The following DENND1B variants were observed in gnomAD, a reference collection of about 807,000 sequenced individuals.
DENND1B encodes the protein DENN domain-containing protein 1B.
DENND1B carries 59 observed loss-of-function variants against 90.1 expected under a neutral mutation model. The ratio of observed to expected loss-of-function variants is 0.65; its 90% CI spans 0.53 to 0.81. DENND1B has a LOEUF of 0.81. Among genes scored for constraint, DENND1B ranks in the 40% least tolerant of loss-of-function variants. The pLI, the probability that DENND1B is intolerant of heterozygous loss-of-function variation, is 0.00. For missense variants in DENND1B, 862 were observed against 912.6 expected (o/e 0.94, Z 0.71); for synonymous variants, 337 against 324.6 (o/e 1.04, Z -0.41).
intron 2 of DENND1B, among the ~76,000 whole-genome samples, chr1:197,723,059 G>T (rs1388237559): frequency 6.6e-6 from 1 of 152,116 alleles, no homozygotes; most frequent in South Asian, 2.1e-4. Flanking sequence ...TTTCTAGAAA[G>T]ATGTAAAATC....
At chr1:197,707,153 T>TTC (rs1659623805) in intron 3 of DENND1B, among the ~76,000 whole-genome samples, 1 of 152,118 alleles carries the variant, frequency 6.6e-6, no homozygotes. Flanking sequence ...GTGAAATAAG[T>TTC]CAGGCACAGA....
intron 6 of DENND1B, among the ~76,000 whole-genome samples, chr1:197,656,156 T>TTCA (rs1653800935): frequency 6.6e-6 from 1 of 152,104 alleles, no homozygotes; most frequent in South Asian, 2.1e-4. Flanking sequence ...CAAGACTCTT[T>TTCA]TCATCTCTTC....
chr1:197,559,674 A>G (rs1672001972), intron 15 of DENND1B, among the ~76,000 whole-genome samples: 1 of 151,908 alleles, frequency 6.6e-6, no homozygotes, highest in South Asian at 2.1e-4. Context: ...CTAATTTCTT[A>G]TGAATCTTTA....
upstream of DENND1B, among the ~76,000 whole-genome samples, chr1:197,775,980 T>A (rs891743689): frequency 1.3e-5 from 2 of 152,190 alleles, no homozygotes; most frequent in Non-Finnish European, 2.9e-5. Flanking sequence ...CATGTGCACC[T>A]GCTAAATAGC....
intron 6 of DENND1B, among the ~76,000 whole-genome samples, chr1:197,654,564 C>T (rs560518468): frequency 1.3e-5 from 2 of 151,790 alleles, no homozygotes; most frequent in Admixed American, 1.3e-4. Flanking sequence ...GAGCCGAGAT[C>T]GCACCACTGC....
At chr1:197,659,379 AAG>A (rs1230661238) in intron 5 of DENND1B, among the ~76,000 whole-genome samples, 3 of 151,910 alleles carry the variant, frequency 2.0e-5, no homozygotes, top group East Asian at 1.9e-4. Context: ...GTAGTAATAA[AAG>A]AGGAATTTAG....
intron 3 of DENND1B, among the ~76,000 whole-genome samples, chr1:197,698,687 G>A (rs1046908311): frequency 6.6e-6 from 1 of 151,376 alleles, no homozygotes; most frequent in East Asian, 1.9e-4. Flanking sequence ...ATAAAGAAGG[G>A]AGAAGAATCA....
rs537590521 is a variant in DENND1B, at chr1:197,669,689, A to G, written c.296+2348T>C. On this transcript the variant is annotated intron_variant, in intron 5 of 22. Transcript: ENST00000620048. ...TTTACTAGGAAAAATAAGCTGAAGAATAGAATTTTCTAAATTTAAGATTTT... is the reference window on the plus strand; with the variant it reads ...TTTACTAGGAAAAATAAGCTGAAGAGTAGAATTTTCTAAATTTAAGATTTT... 1.2e-4 allele frequency among the ~76,000 whole-genome samples: 18 copies of G among 152,278 alleles called. No individual in the cohort carries two copies. The East Asian group carries it at 3.5e-3, about 29-fold the overall frequency.
chr1:197,505,782 G>C lies in DENND1B; in HGVS notation c.*4678C>G, dbSNP rs956464841. ...AATCTTATCAAAGATTCATCACAAA[G>C]GATACTACAATCCACATATGTAATC... is the stretch of plus-strand genomic sequence containing the variant. On this transcript the variant is annotated 3_prime_UTR_variant, in exon 23 of 23. Transcript: ENST00000620048. 1.3e-5 allele frequency: 2 copies of C among 151,572 alleles called. No individual in the cohort carries two copies. Among genetic ancestry groups the C allele is most frequent in the African/African-American group, 2.4e-5 (1 of 41,352 alleles). 9.4% of individuals were successfully genotyped at this position (151,572 alleles called of 1,614,324 possible).
intron 10 of DENND1B, among the ~76,000 whole-genome samples, chr1:197,638,478 G>T (rs1679982785): frequency 6.6e-6 from 1 of 152,128 alleles, no homozygotes; most frequent in Non-Finnish European, 1.5e-5. Context: ...ATGCTGGCCA[G>T]CCGGGTGTTT....
intron 21 of DENND1B, 27 bp from the exon 22 acceptor site, chr1:197,511,971 T>G: frequency 6.4e-7 from 1 of 1,557,636 alleles, no homozygotes; most frequent in Non-Finnish European, 8.8e-7. Flanking sequence ...CACGCAGTAG[T>G]AGGTAAATAA....
At chr1:197,566,804 A>G (rs1041582379) in intron 15 of DENND1B, among the ~76,000 whole-genome samples, 6 of 152,108 alleles carry the variant, frequency 3.9e-5, no homozygotes, top group African/African-American at 1.4e-4. Context: ...AGGTAAAAAA[A>G]AAAAATTCCT....
At chr1:197,720,310 C>T (rs533052717) in intron 2 of DENND1B, among the ~76,000 whole-genome samples, 1 of 152,210 alleles carries the variant, frequency 6.6e-6, no homozygotes, top group Admixed American at 6.5e-5. Flanking sequence ...GAGCATGGCT[C>T]ACTGCAGCCT....
chr1:197,700,284 G>A (rs1327779133), intron 3 of DENND1B, among the ~76,000 whole-genome samples: 1 of 151,956 alleles, frequency 6.6e-6, no homozygotes, highest in Non-Finnish European at 1.5e-5. Context: ...TAGACCAATG[G>A]AACAGAAAAG....
At position 197,630,970 on chromosome 1, in the gene DENND1B, TATAC is replaced by T. The variant is rs376629708; in HGVS notation, c.672+11737_672+11740del. On this transcript the variant is annotated intron_variant, in intron 10 of 22. Transcript: ENST00000620048. ...TCTTTGGATTTCTGTGCTATCACAT[TATAC>T]ATAAATGCCAATACCCTCAAATACA... Among the ~76,000 whole-genome samples the T allele has an allele frequency of 6.8e-4, 103 of 152,298 alleles. No individual in the cohort carries two copies. In the East Asian group the frequency reaches 0.02, roughly 29 times the overall value.
chr1:197,735,178 T>G, intron 2 of DENND1B: 1 of 1,000,602 alleles, frequency 1.0e-6, no homozygotes. Context: ...AAAAACAATA[T>G]TGAATGGGTC....
chr1:197,756,449 C>T (rs1318114205), intron 2 of DENND1B, among the ~76,000 whole-genome samples: 2 of 151,926 alleles, frequency 1.3e-5, no homozygotes, highest in Non-Finnish European at 1.5e-5. Flanking sequence ...GTGGCATGCG[C>T]CTGTAATCCC....
At position 197,536,125 on chromosome 1, in the gene DENND1B, GGAGAGAGAGAGATTGA is replaced by G. The variant is rs150117682; in HGVS notation, c.1515+3823_1515+3838del. ...GAGAGAGACGGAGGGAGGGAGAGAG[GGAGAGAGAGAGATTGA>G]GAGAGAGAGAGAGAGAGATAGATGA... On this transcript the variant is annotated intron_variant, in intron 20 of 22. Transcript: ENST00000620048. Among the ~76,000 whole-genome samples the G allele has an allele frequency of 1.5e-3, 211 of 143,044 alleles. 1 individual carries two copies. The highest frequency in any genetic ancestry group is 5.3e-3 in the African/African-American group (203 of 38,484). 93.8% of individuals were successfully genotyped at this position (143,044 alleles called of 152,430 possible). A position where few individuals can be genotyped will look rare whatever the true frequency, so the allele number is the denominator to read the frequency against.
At chr1:197,612,374 C>A (rs1157533043) in intron 11 of DENND1B, among the ~76,000 whole-genome samples, 1 of 150,492 alleles carries the variant, frequency 6.6e-6, no homozygotes, top group Non-Finnish European at 1.5e-5. Flanking sequence ...TTTTGCACAT[C>A]TTTTCCTATT....
Sources: gnomAD v4.1 joint callset for allele counts (sites outside exome capture counted in the v4.1 genomes callset) on GRCh38, gnomAD v4.1.1 for gene constraint, MANE v1.5 for transcripts, NCBI Gene and HGNC (gene_info 2026-07-23, HGNC 2026-07-21) for gene names.